Variants in SLIT2 observed in about 807,000 individuals in gnomAD.
The protein encoded by SLIT2 is slit homolog 2 protein.
SLIT2 carries 41 observed loss-of-function variants against 185.7 expected under a neutral mutation model. The ratio of observed to expected loss-of-function variants is 0.22; its 90% CI spans 0.17 to 0.29. SLIT2 has a LOEUF of 0.29. Among genes scored for constraint, SLIT2 ranks in the 10% least tolerant of loss-of-function variants. The pLI is 1.00. For missense variants in SLIT2, 1,571 were observed against 1,909.0 expected (o/e 0.82, Z 3.30); for synonymous variants, 693 against 680.2 (o/e 1.02, Z -0.29).
intron 4 of SLIT2, among the ~76,000 whole-genome samples, chr4:20,299,780 A>C (rs548782336): frequency 6.6e-6 from 1 of 151,922 alleles, no homozygotes; most frequent in African/African-American, 2.4e-5. Flanking sequence ...GCAGTTGTCC[A>C]TTTGTCACGG....
chr4:20,370,257 C>G (rs1428738257), intron 4 of SLIT2, among the ~76,000 whole-genome samples: 1 of 152,000 alleles, frequency 6.6e-6, no homozygotes, highest in African/African-American at 2.4e-5. Flanking sequence ...TCCCTTTCCA[C>G]AAAGATTGGC....
At chr4:20,270,769 A>T (rs1713523336) in intron 4 of SLIT2, among the ~76,000 whole-genome samples, 1 of 152,000 alleles carries the variant, frequency 6.6e-6, no homozygotes, top group African/African-American at 2.4e-5. Flanking sequence ...GTATCCCTTT[A>T]CATGAGATTT....
intron 4 of SLIT2, among the ~76,000 whole-genome samples, chr4:20,446,843 T>C (rs924256178): frequency 7.2e-5 from 11 of 152,240 alleles, no homozygotes; most frequent in African/African-American, 2.7e-4. Flanking sequence ...GAAAATCCCA[T>C]GTACCCCAAC....
chr4:20,596,110 C>CA (rs972146382), intron 31 of SLIT2, among the ~76,000 whole-genome samples: 5 of 151,878 alleles, frequency 3.3e-5, no homozygotes, highest in Non-Finnish European at 7.4e-5. Context: ...AATTTTAAGA[C>CA]AAAAAACGTA....
At chr4:20,334,544 A>G (rs1487841071) in intron 4 of SLIT2, among the ~76,000 whole-genome samples, 1 of 152,166 alleles carries the variant, frequency 6.6e-6, no homozygotes, top group Non-Finnish European at 1.5e-5. Context: ...AATTGGTATG[A>G]ACTCAGTTAA....
At chr4:20,381,179 G>A (rs1724478359) in intron 4 of SLIT2, among the ~76,000 whole-genome samples, 1 of 152,064 alleles carries the variant, frequency 6.6e-6, no homozygotes, top group Non-Finnish European at 1.5e-5. Context: ...CTTGAACCCG[G>A]GATTCGGAGG....
At chr4:20,285,592 T>C (rs960289194) in intron 4 of SLIT2, among the ~76,000 whole-genome samples, 4 of 152,156 alleles carry the variant, frequency 2.6e-5, no homozygotes, top group Non-Finnish European at 2.9e-5. Flanking sequence ...TGCTCTGTTA[T>C]GCAGGGAGTG....
At chr4:20,276,687 T>C (rs1325524714) in intron 4 of SLIT2, among the ~76,000 whole-genome samples, 1 of 152,208 alleles carries the variant, frequency 6.6e-6, no homozygotes, top group African/African-American at 2.4e-5. Flanking sequence ...AGGTTTCTTC[T>C]GCTAGTGAAA....
Position 20,528,972 on chromosome 4 carries a change from T to C in SLIT2, c.1486T>C (p.Leu496=). 6.2e-7 allele frequency: 1 copy of C among 1,613,970 alleles called. No homozygotes were observed. The highest frequency in any genetic ancestry group is 8.5e-7 in the Non-Finnish European group (1 of 1,179,892). Residue 496 remains leucine (L), a synonymous_variant, in exon 16 of 37, where the codon TTA becomes CTA. Transcript: ENST00000504154. This position sits in a 1 kb window ranked among gnomAD's most constrained non-coding sequence, Gnocchi z 4.2. ...IPGTEDYRSK[L]SGDCFADLAC... ...AGGTACAGAAGATTATCGATCAAAA[T>C]TAAGTGGAGACTGCTTTGCGGATCT...
intron 5 of SLIT2, among the ~76,000 whole-genome samples, chr4:20,477,776 G>A (rs1480209073): frequency 6.6e-6 from 1 of 152,198 alleles, no homozygotes; most frequent in Non-Finnish European, 1.5e-5. Context: ...ATGTCTTAGT[G>A]AATAGTTGGA....
intron 26 of SLIT2, among the ~76,000 whole-genome samples, chr4:20,564,344 A>C (rs1340486804): frequency 6.6e-6 from 1 of 151,034 alleles, no homozygotes; most frequent in Non-Finnish European, 1.5e-5. Flanking sequence ...CTATAGAAAC[A>C]AGTGGATTTA....
intron 4 of SLIT2, among the ~76,000 whole-genome samples, chr4:20,413,934 C>G (rs1224826921): frequency 1.3e-5 from 2 of 151,828 alleles, no homozygotes; most frequent in African/African-American, 4.8e-5. Flanking sequence ...AATATTTGGT[C>G]CATTTAATTA....
intron 4 of SLIT2, among the ~76,000 whole-genome samples, chr4:20,355,628 CTTTGA>C (rs1318816377): frequency 6.6e-6 from 1 of 152,028 alleles, no homozygotes; most frequent in Admixed American, 6.6e-5. Flanking sequence ...GAAATGAAAC[CTTTGA>C]TTTAATACCA....
intron 5 of SLIT2, among the ~76,000 whole-genome samples, chr4:20,477,589 C>T (rs1716257802): frequency 1.3e-5 from 2 of 152,236 alleles, no homozygotes; most frequent in South Asian, 4.2e-4. Context: ...CAAAGGATCA[C>T]ATAGAGAGGT....
intron 4 of SLIT2, among the ~76,000 whole-genome samples, chr4:20,330,146 A>G (rs1719936810): frequency 6.6e-6 from 1 of 152,036 alleles, no homozygotes; most frequent in Non-Finnish European, 1.5e-5. Flanking sequence ...TGATTGTGCA[A>G]ATCTAGCTGA....
At chr4:20,334,763 TTGTTACAC>T (rs1321081395) in intron 4 of SLIT2, among the ~76,000 whole-genome samples, 3 of 152,210 alleles carry the variant, frequency 2.0e-5, no homozygotes, top group Non-Finnish European at 4.4e-5. Flanking sequence ...GTTTGAATCC[TTGTTACAC>T]TTATTACTAC....
chr4:20,535,612 C>A (rs1335085976), intron 18 of SLIT2, among the ~76,000 whole-genome samples: 1 of 152,102 alleles, frequency 6.6e-6, no homozygotes, highest in Non-Finnish European at 1.5e-5. Flanking sequence ...ATTTTCTCAT[C>A]ATTCTGGAGG....
At chr4:20,595,589 A>C (rs1727910975) in intron 30 of SLIT2, 108 bp from the exon 31 acceptor site, 1 of 1,396,288 alleles carries the variant, frequency 7.2e-7, no homozygotes. Context: ...CTATGAGCCT[A>C]TTCTAAATAA....
At chr4:20,464,661 T>C (rs1714143645) in intron 4 of SLIT2, among the ~76,000 whole-genome samples, 1 of 152,146 alleles carries the variant, frequency 6.6e-6, no homozygotes, top group African/African-American at 2.4e-5. Context: ...CTGCATACGT[T>C]GTACCCTCTT....
Sources: allele counts gnomAD v4.1 joint callset (sites outside exome capture counted in the v4.1 genomes callset), GRCh38; gene constraint gnomAD v4.1.1; non-coding constraint Gnocchi (gnomAD v3.1); transcripts MANE v1.5; gene names NCBI Gene and HGNC (gene_info 2026-07-23, HGNC 2026-07-21).